PRELID2: variants seen among roughly 807,000 people sequenced by gnomAD.
The protein encoded by PRELID2 is PRELI domain containing 2.
A neutral mutation model predicts 28.4 loss-of-function variants in PRELID2; 25 were observed. The ratio of observed to expected loss-of-function variants is 0.88; its 90% CI spans 0.64 to 1.23. The LOEUF is 1.23. PRELID2 is among the 50% of genes most tolerant of loss of function. The pLI, the probability that PRELID2 is intolerant of heterozygous loss-of-function variation, is 0.00. For missense variants in PRELID2, 201 were observed against 214.4 expected (o/e 0.94, Z 0.39); for synonymous variants, 76 against 71.6 (o/e 1.06, Z -0.31).
chr5:145,520,012 T>G (rs981081599), intron 1 of PRELID2, among the ~76,000 whole-genome samples: 1 of 152,190 alleles, frequency 6.6e-6, no homozygotes, highest in Non-Finnish European at 1.5e-5. Context: ...CTCTCAATGG[T>G]GAGCAAGTAG....
intron 1 of PRELID2, among the ~76,000 whole-genome samples, chr5:145,832,321 T>C (rs775000666): frequency 2.6e-5 from 4 of 152,114 alleles, no homozygotes; most frequent in Non-Finnish European, 5.9e-5. Context: ...GTAGCTGGGA[T>C]TACAGGCATA....
chr5:145,672,490 A>G (rs34240694), intron 1 of PRELID2, among the ~76,000 whole-genome samples: 1 of 138,342 alleles, frequency 7.2e-6, no homozygotes, highest in East Asian at 2.1e-4. Flanking sequence ...AGAATTCCCC[A>G]CGGAGCTTGT....
chr5:145,737,078 G>A (rs748139928), intron 1 of PRELID2, among the ~76,000 whole-genome samples: 9 of 151,956 alleles, frequency 5.9e-5, no homozygotes, highest in Non-Finnish European at 1.2e-4. Flanking sequence ...GAAGAGAGAA[G>A]GAAAAGAGGA....
chr5:145,629,596 T>C (rs1753904135), intron 1 of PRELID2, among the ~76,000 whole-genome samples: 1 of 152,206 alleles, frequency 6.6e-6, no homozygotes, highest in African/African-American at 2.4e-5. Context: ...GGAGGCTTAA[T>C]ATGTGCCAGG....
intron 1 of PRELID2, among the ~76,000 whole-genome samples, chr5:145,576,478 A>G (rs746653186): frequency 1.3e-5 from 2 of 152,094 alleles, no homozygotes; most frequent in Admixed American, 1.3e-4. Context: ...ATAATATGTT[A>G]TTGTACAGAC....
intron 1 of PRELID2, among the ~76,000 whole-genome samples, chr5:145,698,332 G>C (rs1438126492): frequency 2.0e-5 from 3 of 152,176 alleles, no homozygotes; most frequent in African/African-American, 7.2e-5. Flanking sequence ...TTTAAGAACA[G>C]CTATGTCCCT....
the PRELID2 span, among the ~76,000 whole-genome samples, chr5:145,386,562 C>A: frequency 1.3e-5 from 2 of 152,124 alleles, no homozygotes; most frequent in Non-Finnish European, 2.9e-5. Context: ...CCCAGCCATG[C>A]AGAACTGTGA....
chr5:145,666,925 G>A (rs1754606839), intron 1 of PRELID2, among the ~76,000 whole-genome samples: 2 of 152,070 alleles, frequency 1.3e-5, no homozygotes, highest in South Asian at 2.1e-4. Flanking sequence ...TGGCTTATAC[G>A]TGACCAATTT....
chr5:145,728,493 A>G lies in PRELID2; in HGVS notation n.70+36438T>C, dbSNP rs1175345378. 4.4e-6 allele frequency: 3 copies of G among 682,978 alleles called. No individual in the cohort carries two copies. The South Asian group carries it at 4.9e-5, about 11-fold the overall frequency. 42.3% of individuals were successfully genotyped at this position (682,978 alleles called of 1,614,324 possible). ...GAACAGGAAGTGTTCTCCCCTCCCA[A>G]AGCAGGAAAACCAGAGTTTGGTCCT... On this transcript the variant is annotated intron_variant and non_coding_transcript_variant, in intron 1 of 2. Transcript: ENST00000510259.
intron 1 of PRELID2, among the ~76,000 whole-genome samples, chr5:145,586,736 A>C (rs555194726): frequency 6.6e-6 from 1 of 152,282 alleles, no homozygotes; most frequent in South Asian, 2.1e-4. Context: ...ATTTTAGAAA[A>C]GGAAAGTTTG....
At chr5:145,804,691 A>T (rs1452839621) in intron 4 of PRELID2, among the ~76,000 whole-genome samples, 1 of 152,156 alleles carries the variant, frequency 6.6e-6, no homozygotes, top group East Asian at 1.9e-4. Flanking sequence ...CCAAGAGGCA[A>T]ACTTACTTAT....
intron 1 of PRELID2, among the ~76,000 whole-genome samples, chr5:145,538,249 C>T (rs372570401): frequency 6.6e-5 from 10 of 151,846 alleles, no homozygotes; most frequent in African/African-American, 2.4e-4. Context: ...GTTACTATAG[C>T]TTTGCAGTAT....
chr5:145,392,700 GAGAA>G, the PRELID2 span, among the ~76,000 whole-genome samples: 4 of 151,814 alleles, frequency 2.6e-5, no homozygotes, highest in Admixed American at 1.3e-4. Context: ...AGGAGAGAGA[GAGAA>G]AGAAAGAGAG....
At chr5:145,741,666 TATAAATAATTTATAA>T (rs1561568337) in intron 1 of PRELID2, among the ~76,000 whole-genome samples, 5 of 24,104 alleles carry the variant, frequency 2.1e-4, no homozygotes, top group African/African-American at 5.3e-4. Flanking sequence ...TTTATTTATA[TATAAATAATTTATAA>T]ATAATTTATT....
chr5:145,418,946 T>C, the PRELID2 span, among the ~76,000 whole-genome samples: 1 of 150,346 alleles, frequency 6.7e-6, no homozygotes, highest in East Asian at 2.0e-4. Context: ...AATCTCATTG[T>C]TCAATTCCCA....
chr5:145,825,311 T>C (rs1182622471), intron 1 of PRELID2, among the ~76,000 whole-genome samples: 1 of 145,002 alleles, frequency 6.9e-6, no homozygotes, highest in Non-Finnish European at 1.5e-5. Context: ...CCGAGTTACA[T>C]GCCCATGACA....
chr5:145,653,803 T>C (rs566413461), intron 1 of PRELID2, among the ~76,000 whole-genome samples: 19 of 152,088 alleles, frequency 1.2e-4, no homozygotes, highest in Admixed American at 2.6e-4. Context: ...GCAGGAAAGA[T>C]CTAAAATTGA....
the PRELID2 span, among the ~76,000 whole-genome samples, chr5:145,461,452 G>C: frequency 2.0e-5 from 3 of 151,976 alleles, no homozygotes; most frequent in Non-Finnish European, 4.4e-5. Flanking sequence ...ACAGGCACCC[G>C]CCACCACACC....
At chr5:145,553,867 T>C (rs1010334271) in intron 1 of PRELID2, among the ~76,000 whole-genome samples, 13 of 152,066 alleles carry the variant, frequency 8.5e-5, no homozygotes, top group African/African-American at 3.1e-4. Context: ...AGCCCTTAGA[T>C]GATAAAGGAT....
Sources: gnomAD v4.1 joint callset for allele counts (sites outside exome capture counted in the v4.1 genomes callset) on GRCh38, gnomAD v4.1.1 for gene constraint, MANE v1.5 for transcripts, NCBI Gene and HGNC (gene_info 2026-07-23, HGNC 2026-07-21) for gene names.